The following GABBR2 variants were observed in gnomAD, a reference collection of about 807,000 sequenced individuals.
GABBR2 encodes the protein G-protein coupled receptor 51.
In GABBR2, 23 loss-of-function variants were observed where a neutral mutation model predicts 105.6. That is an observed-to-expected ratio of 0.22 (90% CI 0.16 to 0.31). The LOEUF (loss-of-function observed/expected upper bound fraction) is 0.31. Among genes scored for constraint, GABBR2 ranks in the 10% least tolerant of loss-of-function variants. The pLI, the probability that GABBR2 is intolerant of heterozygous loss-of-function variation, is 1.00. For synonymous variants in GABBR2, 478 were observed against 499.7 expected (o/e 0.96, Z 0.58); for missense variants, 734 against 1,245.5 (o/e 0.59, Z 6.18).
intron 1 of GABBR2, among the ~76,000 whole-genome samples, chr9:98,604,322 G>T (rs893657580): frequency 6.6e-6 from 1 of 152,184 alleles, no homozygotes; most frequent in African/African-American, 2.4e-5. Flanking sequence ...AACAGTTTCT[G>T]CAGGACAGGA....
intron 3 of GABBR2, among the ~76,000 whole-genome samples, chr9:98,504,295 C>T (rs1392345534): frequency 2.0e-5 from 3 of 152,236 alleles, no homozygotes; most frequent in South Asian, 2.1e-4. Flanking sequence ...ATTCAGACCA[C>T]GTGTCCCACA....
intron 1 of GABBR2, among the ~76,000 whole-genome samples, chr9:98,671,411 T>C (rs1366470421): frequency 6.6e-6 from 1 of 152,258 alleles, no homozygotes; most frequent in East Asian, 1.9e-4. Context: ...GATGGACATT[T>C]AGATTCTTTC....
intron 2 of GABBR2, among the ~76,000 whole-genome samples, chr9:98,546,706 G>A (rs1015273436): frequency 1.3e-5 from 2 of 152,130 alleles, no homozygotes; most frequent in Admixed American, 6.5e-5. Context: ...CATATGGACA[G>A]ATTTTAAAAT....
At chr9:98,693,852 G>A (rs1354052868) in intron 1 of GABBR2, among the ~76,000 whole-genome samples, 1 of 152,300 alleles carries the variant, frequency 6.6e-6, no homozygotes, top group African/African-American at 2.4e-5. Flanking sequence ...TTGGAATTAG[G>A]GCCTTCCAGG....
chr9:98,400,920 T>G (rs1461031805), intron 8 of GABBR2, among the ~76,000 whole-genome samples: 1 of 151,858 alleles, frequency 6.6e-6, no homozygotes, highest in Admixed American at 6.5e-5. Flanking sequence ...GGGGGATAAA[T>G]GGACACACAA....
chr9:98,623,568 TAAGG>T (rs1829696733), intron 1 of GABBR2, among the ~76,000 whole-genome samples: 1 of 152,238 alleles, frequency 6.6e-6, no homozygotes, highest in Admixed American at 6.5e-5. Context: ...CTACAGCCAC[TAAGG>T]AAGAACCCAT....
At chr9:98,314,624 C>CACAGTGCTTT (rs1231774572) in intron 13 of GABBR2, among the ~76,000 whole-genome samples, 1 of 152,174 alleles carries the variant, frequency 6.6e-6, no homozygotes, top group African/African-American at 2.4e-5. Context: ...TGAGGTAGTA[C>CACAGTGCTTT]ACAGTGCTTT....
At chr9:98,630,517 C>T (rs1198563578) in intron 1 of GABBR2, among the ~76,000 whole-genome samples, 1 of 152,194 alleles carries the variant, frequency 6.6e-6, no homozygotes, top group Non-Finnish European at 1.5e-5. Flanking sequence ...CAAAGACCTA[C>T]TGAGGCAGGA....
At chr9:98,589,868 C>T (rs910358077) in intron 1 of GABBR2, among the ~76,000 whole-genome samples, 6 of 152,048 alleles carry the variant, frequency 3.9e-5, no homozygotes, top group Non-Finnish European at 4.4e-5. Flanking sequence ...GTGCACACCA[C>T]CACCACCACA....
intron 1 of GABBR2, among the ~76,000 whole-genome samples, chr9:98,637,408 C>A (rs1217995659): frequency 2.0e-5 from 3 of 152,146 alleles, no homozygotes; most frequent in Non-Finnish European, 4.4e-5. Flanking sequence ...CTGTAGTAGG[C>A]AGAATAATGG....
At chr9:98,339,103 T>A (rs1465542471) in intron 13 of GABBR2, among the ~76,000 whole-genome samples, 1 of 152,008 alleles carries the variant, frequency 6.6e-6, no homozygotes, top group Non-Finnish European at 1.5e-5. Context: ...AGATGAGTGG[T>A]TGCTAGGGAC....
Position 98,349,344 on chromosome 9 carries a change from GTTTTGTT to G in GABBR2, c.1893+13364_1893+13370del, listed in dbSNP as rs1202362274. On this transcript the variant is annotated intron_variant, in intron 13 of 18. Coordinates refer to ENST00000259455, the MANE Select transcript of GABBR2 (RefSeq NM_005458.8). The stretch of plus-strand genomic sequence containing the variant: ...TTTGGTTTGCCAATATTTTGTTGAA[GTTTTGTT>G]TTTTTTTTTTTTTTTTTTTTTTTTT... Among the ~76,000 whole-genome samples the G allele has an allele frequency of 8.5e-3, 896 of 105,396 alleles. 127 individuals are homozygous for G. Among genetic ancestry groups the G allele is most frequent in the African/African-American group, 0.034 (851 of 24,846 alleles). 69.1% of individuals were successfully genotyped at this position (105,396 alleles called of 152,430 possible). A position where few individuals can be genotyped will look rare whatever the true frequency, so the allele number is the denominator to read the frequency against.
intron 2 of GABBR2, among the ~76,000 whole-genome samples, chr9:98,566,537 C>T (rs544360713): frequency 7.9e-5 from 12 of 151,946 alleles, no homozygotes; most frequent in Non-Finnish European, 1.6e-4. Flanking sequence ...TAGCCAGGCA[C>T]GGTGGCGGGC....
At chr9:98,324,535 C>CACAA (rs1338544104) in intron 13 of GABBR2, among the ~76,000 whole-genome samples, 4 of 143,138 alleles carry the variant, frequency 2.8e-5, no homozygotes, top group African/African-American at 1.1e-4. Context: ...CACACACACA[C>CACAA]ACACACAGAG....
intron 2 of GABBR2, among the ~76,000 whole-genome samples, chr9:98,571,400 G>T (rs569334742): frequency 3.9e-5 from 6 of 152,260 alleles, no homozygotes; most frequent in Admixed American, 3.9e-4. Flanking sequence ...GGAGTTTTTT[G>T]GACCAGCAGC....
At chr9:98,707,371 A>C (rs1016089203) in intron 1 of GABBR2, 1 of 152,262 alleles carries the variant, frequency 6.6e-6, no homozygotes, top group Non-Finnish European at 1.5e-5. Context: ...TGCCCCCTTC[A>C]GGCCGCGTCT....
At chr9:98,553,023 G>T (rs920102358) in intron 2 of GABBR2, among the ~76,000 whole-genome samples, 1 of 151,886 alleles carries the variant, frequency 6.6e-6, no homozygotes, top group Non-Finnish European at 1.5e-5. Context: ...TTATACCCAC[G>T]TGCCACCATG....
At chr9:98,463,033 C>T (rs1187994780) in intron 6 of GABBR2, among the ~76,000 whole-genome samples, 1 of 152,132 alleles carries the variant, frequency 6.6e-6, no homozygotes, top group Non-Finnish European at 1.5e-5. Flanking sequence ...AGACTACAGG[C>T]ATGTGCCATC....
rs369338702 is a variant in GABBR2 at position 98,447,063 on chromosome 9, C to CTTTTTTTTTTT, written c.1236+6907_1236+6917dup. Among the ~76,000 whole-genome samples, 58 of 116,322 alleles carry CTTTTTTTTTTT rather than the reference C, an allele frequency of 5.0e-4. 2 individuals carry two copies. The highest frequency in any genetic ancestry group is 2.5e-3 in the East Asian group (7 of 2,764). 76.3% of individuals were successfully genotyped at this position (116,322 alleles called of 152,430 possible). A position where few individuals can be genotyped will look rare whatever the true frequency, so the allele number is the denominator to read the frequency against. On this transcript the variant is annotated intron_variant, in intron 7 of 18. Coordinates refer to ENST00000259455, the MANE Select transcript of GABBR2 (RefSeq NM_005458.8). ...CCCAGATTCAACCTAAAAAAGACTT[C>CTTTTTTTTTTT]TTTTTTTTTTTTTTTTGAGACGGAG...
Sources: gnomAD v4.1 joint callset for allele counts (sites outside exome capture counted in the v4.1 genomes callset) on GRCh38, gnomAD v4.1.1 for gene constraint, MANE v1.5 for transcripts, NCBI Gene and HGNC (gene_info 2026-07-23, HGNC 2026-07-21) for gene names.